The following KCNJ6 variants were observed in gnomAD, a reference collection of about 807,000 sequenced individuals.
KCNJ6 encodes potassium inwardly rectifying channel subfamily J member 6.
In KCNJ6, 9 loss-of-function variants were observed where a neutral mutation model predicts 34.2. The observed-to-expected ratio is 0.26, with a 90% confidence interval of 0.16 to 0.46. The LOEUF (loss-of-function observed/expected upper bound fraction) is 0.46. Among genes scored for constraint, KCNJ6 ranks in the 20% least tolerant of loss-of-function variants. The probability of loss-of-function intolerance (pLI) is 1.00; values close to 1 mark genes in which losing one functional copy is unlikely to be tolerated. For synonymous variants in KCNJ6, 196 were observed against 207.1 expected, an observed-to-expected ratio of 0.95 and a Z score of 0.46; for missense variants, 236 against 531.3, an observed-to-expected ratio of 0.44 and a Z score of 5.46.
At chr21:37,891,064 C>T (rs1018643709) in intron 1 of KCNJ6, among the ~76,000 whole-genome samples, 5 of 152,132 alleles carry the variant, frequency 3.3e-5, no homozygotes, top group East Asian at 1.9e-4. Context: ...TCTAACTGTA[C>T]GATGCTCACC....
intron 1 of KCNJ6, among the ~76,000 whole-genome samples, chr21:37,907,835 T>C (rs2055848964): frequency 6.6e-6 from 1 of 152,234 alleles, no homozygotes; most frequent in Admixed American, 6.5e-5. Flanking sequence ...TGGTTTGGAC[T>C]CAGGTACTGT....
At chr21:37,911,328 A>G (rs2055866238) in intron 1 of KCNJ6, among the ~76,000 whole-genome samples, 1 of 152,190 alleles carries the variant, frequency 6.6e-6, no homozygotes. Context: ...TAACTCAACA[A>G]AAGTGTTTTG....
chr21:37,610,201 G>T lies in KCNJ6; in HGVS notation c.*14958C>A, dbSNP rs1449875151. 6.6e-6 allele frequency: 1 copy of T among 152,164 alleles called. No homozygotes were observed. The highest frequency in any genetic ancestry group is 1.5e-5 in the Non-Finnish European group (1 of 68,030). The allele number at this position is 152,164 out of a possible 1,614,324, so 9.4% of individuals were successfully genotyped here. On this transcript the variant is annotated 3_prime_UTR_variant, in exon 4 of 4. Transcript: ENST00000609713. ...ACTGATGGTGGTGTAGGTTGGAATG[G>T]ATACTAGAATTATTAAAGCAGAGAC...
intron 3 of KCNJ6, among the ~76,000 whole-genome samples, chr21:37,631,693 A>G (rs554839406): frequency 5.9e-5 from 9 of 152,004 alleles, no homozygotes; most frequent in South Asian, 2.1e-4. Context: ...TGGGGCCCCA[A>G]TGCAGAACAA....
At chr21:37,736,532 A>G (rs1057236490) in intron 2 of KCNJ6, among the ~76,000 whole-genome samples, 4 of 152,016 alleles carry the variant, frequency 2.6e-5, no homozygotes, top group African/African-American at 9.7e-5. Flanking sequence ...TGATGGTAAA[A>G]CTCTAGAAGT....
At chr21:37,736,871 G>A (rs187288827) in intron 2 of KCNJ6, among the ~76,000 whole-genome samples, 19 of 152,268 alleles carry the variant, frequency 1.2e-4, no homozygotes, top group East Asian at 1.2e-3. Context: ...AGCATTTCAC[G>A]GTCACCCTCC....
At chr21:37,880,282 AT>A in intron 1 of KCNJ6, among the ~76,000 whole-genome samples, 1 of 152,196 alleles carries the variant, frequency 6.6e-6, no homozygotes, top group East Asian at 1.9e-4. Flanking sequence ...CAAAATGTGC[AT>A]TGTCCAGGAA....
intron 1 of KCNJ6, among the ~76,000 whole-genome samples, chr21:37,913,130 A>G (rs1440439822): frequency 6.6e-6 from 1 of 152,184 alleles, no homozygotes. Flanking sequence ...TCTTCATATC[A>G]GTGACAGTTG....
At chr21:37,703,189 G>A (rs904472240) in intron 3 of KCNJ6, among the ~76,000 whole-genome samples, 1 of 152,152 alleles carries the variant, frequency 6.6e-6, no homozygotes, top group Non-Finnish European at 1.5e-5. Context: ...AGAACTATTA[G>A]GAAAAATTGG....
chr21:37,868,005 T>G (rs750424836), intron 1 of KCNJ6, among the ~76,000 whole-genome samples: 2 of 152,186 alleles, frequency 1.3e-5, no homozygotes, highest in Non-Finnish European at 2.9e-5. Context: ...CTTGTGTGGA[T>G]GGAAACACTG....
In KCNJ6 at chr21:37,677,286, G is replaced by A. The variant is rs2054569059; in HGVS notation, c.946+36925C>T. ...CATGGCAACAGCTCAGTTCCTGGTA[G>A]GCAGCCCTCACCTGCTCTGATCCTG... On this transcript the variant is annotated intron_variant, in intron 3 of 3. Transcript: ENST00000609713. 2.0e-5 allele frequency among the ~76,000 whole-genome samples: 3 copies of A among 152,170 alleles called. No individual in the cohort carries two copies. The South Asian group carries it at 6.2e-4, about 32-fold the overall frequency.
intron 2 of KCNJ6, among the ~76,000 whole-genome samples, chr21:37,835,006 A>G (rs192471725): frequency 1.3e-5 from 2 of 152,306 alleles, no homozygotes; most frequent in East Asian, 1.9e-4. Context: ...ACCATGCCCA[A>G]AGGGATGGCT....
chr21:37,728,881 T>C (rs933229186), intron 2 of KCNJ6, among the ~76,000 whole-genome samples: 10 of 152,204 alleles, frequency 6.6e-5, no homozygotes, highest in Non-Finnish European at 1.5e-4. Context: ...TCCTTTGGCA[T>C]AAGTCCTTAT....
intron 2 of KCNJ6, among the ~76,000 whole-genome samples, chr21:37,780,578 T>TG: frequency 7.1e-6 from 1 of 140,324 alleles, no homozygotes; most frequent in South Asian, 2.3e-4. Context: ...GTGTATGTGG[T>TG]GGGGGTGGGG....
chr21:37,893,582 G>A (rs2055773251), intron 1 of KCNJ6, among the ~76,000 whole-genome samples: 1 of 151,454 alleles, frequency 6.6e-6, no homozygotes, highest in African/African-American at 2.4e-5. Context: ...CTCCAGCACT[G>A]TGTGTATAAA....
intron 2 of KCNJ6, among the ~76,000 whole-genome samples, chr21:37,823,875 C>T (rs186894304): frequency 6.6e-6 from 1 of 152,410 alleles, no homozygotes; most frequent in Admixed American, 6.5e-5. Context: ...AGTCAGACAG[C>T]AGAAGTTCTG....
chr21:37,632,744 C>T (rs183091945), intron 3 of KCNJ6, among the ~76,000 whole-genome samples: 17 of 151,990 alleles, frequency 1.1e-4, no homozygotes, highest in Admixed American at 4.6e-4. Flanking sequence ...AAAATATAGA[C>T]GAAATGGACA....
At chr21:37,666,035 G>A (rs1410637134) in intron 3 of KCNJ6, among the ~76,000 whole-genome samples, 1 of 152,198 alleles carries the variant, frequency 6.6e-6, no homozygotes, top group Non-Finnish European at 1.5e-5. Context: ...CATACCCACA[G>A]CCACCCTGAA....
chr21:37,886,829 T>C (rs976509824), intron 1 of KCNJ6, among the ~76,000 whole-genome samples: 3 of 152,206 alleles, frequency 2.0e-5, no homozygotes, highest in African/African-American at 7.2e-5. Flanking sequence ...CAGGTATCTT[T>C]TCCCCAGCCC....
Sources: gnomAD v4.1 joint callset for allele counts (sites outside exome capture counted in the v4.1 genomes callset) on GRCh38, gnomAD v4.1.1 for gene constraint, MANE v1.5 for transcripts, NCBI Gene and HGNC (gene_info 2026-07-23, HGNC 2026-07-21) for gene names.